PTBP3: variants seen among roughly 807,000 people sequenced by gnomAD.
The protein encoded by PTBP3 is polypyrimidine tract binding protein 3.
In PTBP3, 20 loss-of-function variants were observed where a neutral mutation model predicts 58.7. That is an observed-to-expected ratio of 0.34 (90% CI 0.24 to 0.50). The LOEUF (loss-of-function observed/expected upper bound fraction) is 0.50, where lower values mean the gene tolerates loss of function less well. PTBP3 is among the 20% of genes least tolerant of loss of function. PTBP3 has a pLI of 0.98. For missense variants in PTBP3, 509 were observed against 637.2 expected (o/e 0.80, Z 2.17); for synonymous variants, 185 against 219.8 (o/e 0.84, Z 1.40).
In PTBP3 at chr9:112,223,718, A is replaced by G. The variant is rs1394964420; in HGVS notation, c.*133T>C. ...AAAAAAAAAAAATCCCTTGATTTTTAAAATATACTTGAATATCAAACTCAG... is the reference window on the plus strand; with the variant it reads ...AAAAAAAAAAAATCCCTTGATTTTTGAAATATACTTGAATATCAAACTCAG... On this transcript the variant is annotated 3_prime_UTR_variant, in exon 14 of 14. Transcript: ENST00000374257. 7.3e-7 allele frequency: 1 copy of G among 1,364,594 alleles called. No homozygotes were observed. The highest frequency in any genetic ancestry group is 9.4e-7 in the Non-Finnish European group (1 of 1,064,682). 84.5% of individuals were successfully genotyped at this position (1,364,594 alleles called of 1,614,324 possible). A position where few individuals can be genotyped will look rare whatever the true frequency, so the allele number is the denominator to read the frequency against.
Position 112,220,650 on chromosome 9 carries a change from T to A in PTBP3, c.*3201A>T, listed in dbSNP as rs1834774959. ...TGTAAGAGCTGCTGGGTAATTCTGA[T>A]ACTCTCCAGTAAGTATCAATTAAGA... On this transcript the variant is annotated 3_prime_UTR_variant, in exon 14 of 14. Transcript: ENST00000374257. The A allele has an allele frequency of 2.0e-6, 2 of 992,954 alleles. No homozygotes were observed. Among genetic ancestry groups the A allele is most frequent in the Non-Finnish European group, 2.4e-6 (2 of 834,412 alleles). 61.5% of individuals were successfully genotyped at this position (992,954 alleles called of 1,614,324 possible). A position where few individuals can be genotyped will look rare whatever the true frequency, so the allele number is the denominator to read the frequency against.
In PTBP3 at chr9:112,224,150, C is replaced by T. The variant is rs1223085917; in HGVS notation, c.1425G>A (p.Lys475=). 2 of 1,580,752 alleles carry T rather than the reference C, an allele frequency of 1.3e-6. No individual in the cohort carries two copies. The highest frequency in any genetic ancestry group is 2.0e-5 in the Admixed American group (1 of 51,034). Residue 475 remains lysine (K), a synonymous_variant, in exon 13 of 14, where the codon AAG becomes AAA. Transcript: ENST00000374257. ...AGACTTACTGAAAGAATTTAAAAGC[C>T]TTCACTGAACATCCAGCTTCTATGA... ...NLFIEAGCSV[K]AFKFFQKDRK... is the part of the protein sequence containing the mutation.
chr9:112,310,463 A>T lies in PTBP3; in HGVS notation c.-51-12547T>A, dbSNP rs535257492. On this transcript the variant is annotated intron_variant, in intron 1 of 13. Transcript: ENST00000374257. ...CTTACCATACAGGTATAGCCCATACATATTGAATTCAGTATGTATAAATGT... is the reference window on the plus strand; with the variant it reads ...CTTACCATACAGGTATAGCCCATACTTATTGAATTCAGTATGTATAAATGT... 1.2e-4 allele frequency among the ~76,000 whole-genome samples: 18 copies of T among 152,342 alleles called. 1 individual carries two copies. In the South Asian group the frequency reaches 3.7e-3, roughly 32 times the overall value.
At position 112,220,973 on chromosome 9, in the gene PTBP3, C is replaced by G. The variant is rs1834788323; in HGVS notation, c.*2878G>C. On this transcript the variant is annotated 3_prime_UTR_variant, in exon 14 of 14. Coordinates refer to ENST00000374257, the MANE Select transcript of PTBP3 (RefSeq NM_001163788.4). ...CATGCCAAAACAGAGATACACAGAT[C>G]TAGTTTTTCCACCATCCTGATATTT... is the stretch of plus-strand genomic sequence containing the variant. The G allele has an allele frequency of 2.1e-6, 2 of 966,766 alleles. No individual in the cohort carries two copies. Among genetic ancestry groups the G allele is most frequent in the African/African-American group, 3.5e-5 (2 of 56,744 alleles). 59.9% of individuals were successfully genotyped at this position (966,766 alleles called of 1,614,324 possible).
At chr9:112,254,735 A>G (rs147265160) in intron 5 of PTBP3, among the ~76,000 whole-genome samples, 1,707 of 152,332 alleles carry the variant, frequency 0.011, 37 homozygotes, top group African/African-American at 0.039. Flanking sequence ...ATTGGGGAGG[A>G]TATGAAGAAA....
At chr9:112,350,037 G>C in the PTBP3 span, among the ~76,000 whole-genome samples, 1 of 148,436 alleles carries the variant, frequency 6.7e-6, no homozygotes, top group African/African-American at 2.5e-5. Context: ...TCCTCAGATG[G>C]TTTTTTTTTT....
intron 4 of PTBP3, among the ~76,000 whole-genome samples, chr9:112,266,186 G>T (rs1337569275): frequency 1.3e-5 from 2 of 152,122 alleles, no homozygotes; most frequent in Non-Finnish European, 2.9e-5. Context: ...ACTAAGTGTG[G>T]TGGTGACTAT....
At chr9:112,330,612 A>AT (rs1280275989) in intron 1 of PTBP3, 7 of 587,260 alleles carry the variant, frequency 1.2e-5, no homozygotes, top group African/African-American at 3.9e-5. Context: ...GAGTTGTGAA[A>AT]TATTAATACA....
chr9:112,260,248 T>G (rs1836538488), intron 5 of PTBP3, among the ~76,000 whole-genome samples: 1 of 152,248 alleles, frequency 6.6e-6, no homozygotes, highest in Admixed American at 6.5e-5. Context: ...CCTGTTCTAT[T>G]TAATGAGTAC....
intron 3 of PTBP3, among the ~76,000 whole-genome samples, chr9:112,275,611 T>C (rs937955339): frequency 6.6e-6 from 1 of 152,148 alleles, no homozygotes; most frequent in Admixed American, 6.5e-5. Flanking sequence ...AATATAAAAT[T>C]TGTGTCTTAA....
At chr9:112,299,413 T>C (rs533695999) in intron 1 of PTBP3, among the ~76,000 whole-genome samples, 1 of 152,224 alleles carries the variant, frequency 6.6e-6, no homozygotes, top group Admixed American at 6.5e-5. Flanking sequence ...AAGACATCAT[T>C]AGGAGAATAA....
intron 2 of PTBP3, among the ~76,000 whole-genome samples, chr9:112,294,788 T>A (rs1409698633): frequency 6.6e-6 from 1 of 152,210 alleles, no homozygotes; most frequent in African/African-American, 2.4e-5. Flanking sequence ...GACATTTTAG[T>A]TAAAGTAAGT....
chr9:112,378,396 C>T, the PTBP3 span, among the ~76,000 whole-genome samples: 2 of 152,158 alleles, frequency 1.3e-5, no homozygotes, highest in Non-Finnish European at 2.9e-5. Flanking sequence ...GTTTGCTTTG[C>T]CTCTTCGTTG....
rs192913024 is a variant in PTBP3 at position 112,278,633 on chromosome 9, A to C, written c.35-2620T>G. 3.7e-4 allele frequency among the ~76,000 whole-genome samples: 57 copies of C among 152,320 alleles called. 1 individual carries two copies. Among genetic ancestry groups the C allele is most frequent in the African/African-American group, 1.2e-3 (50 of 41,582 alleles). On this transcript the variant is annotated intron_variant, in intron 2 of 13. Transcript: ENST00000374257. ...AGACCTAAGATGACAAACTTTTACC[A>C]AGAAATGTGCAATTATAAATCACCA...
chr9:112,290,225 TAGA>T (rs759600051), intron 2 of PTBP3, among the ~76,000 whole-genome samples: 4 of 151,276 alleles, frequency 2.6e-5, no homozygotes, highest in Non-Finnish European at 5.9e-5. Context: ...AACAACCCAA[TAGA>T]AGAATAGGCA....
At chr9:112,365,287 AG>A in the PTBP3 span, among the ~76,000 whole-genome samples, 1 of 152,146 alleles carries the variant, frequency 6.6e-6, no homozygotes, top group Non-Finnish European at 1.5e-5. Flanking sequence ...CTCATCTTGT[AG>A]CTCCCATAAT....
the PTBP3 span, among the ~76,000 whole-genome samples, chr9:112,372,904 T>A: frequency 6.6e-6 from 1 of 151,708 alleles, no homozygotes; most frequent in Non-Finnish European, 1.5e-5. Flanking sequence ...GCTTTCTTTT[T>A]TTTTTTTTTT....
intron 1 of PTBP3, among the ~76,000 whole-genome samples, chr9:112,309,865 T>C (rs928494087): frequency 2.6e-5 from 4 of 152,210 alleles, no homozygotes; most frequent in Non-Finnish European, 5.9e-5. Flanking sequence ...CTGCATTCAT[T>C]GCGTGGCACT....
chr9:112,222,250 T>C lies in PTBP3; in HGVS notation c.*1601A>G, dbSNP rs1834833753. The stretch of plus-strand genomic sequence containing the variant: ...TTGAAGAAATAATAGCAAAGTTTCT[T>C]ATTAAAAAGAAACAATTTTACATTA... On this transcript the variant is annotated 3_prime_UTR_variant, in exon 14 of 14. Transcript: ENST00000374257. 1.0e-6 allele frequency: 1 copy of C among 975,410 alleles called. No individual in the cohort carries two copies. The allele number at this position is 975,410 out of a possible 1,614,324, so 60.4% of individuals were successfully genotyped here.
Sources: gnomAD v4.1 joint callset for allele counts (sites outside exome capture counted in the v4.1 genomes callset) on GRCh38, gnomAD v4.1.1 for gene constraint, MANE v1.5 for transcripts, NCBI Gene and HGNC (gene_info 2026-07-23, HGNC 2026-07-21) for gene names.